Variants in ASCC3 observed in about 807,000 individuals in gnomAD.
ASCC3 encodes the protein activating signal cointegrator 1 complex subunit 3, also known as ASC-1 complex subunit P200.
In ASCC3, 158 loss-of-function variants were observed where a neutral mutation model predicts 256.3. That is an observed-to-expected ratio of 0.62 (90% CI 0.54 to 0.70). The LOEUF (loss-of-function observed/expected upper bound fraction) is 0.70. Among genes scored for constraint, ASCC3 ranks in the 30% least tolerant of loss-of-function variants. The pLI is 0.00. For missense variants in ASCC3, 2,259 were observed against 2,626.0 expected, an observed-to-expected ratio of 0.86 and a Z score of 3.05; for synonymous variants, 948 against 883.4, an observed-to-expected ratio of 1.07 and a Z score of -1.30.
In ASCC3 at chr6:100,606,857, G is replaced by C. The variant is rs1220749884; in HGVS notation, c.4927C>G (p.Leu1643Val). The change falls in exon 32 of 42, where the codon CTT becomes GTT. Residue 1643 changes from leucine to valine, a missense_variant. Transcript: ENST00000369162. ...ELFVNCKVQV[L>V]IATSTLAWGV... ...CAGGCTAATGTGCTTGTAGCAATAA[G>C]AACCTAAAAAGCAAAATAAAATATC... 6.2e-7 allele frequency: 1 copy of C among 1,611,050 alleles called. No homozygotes were observed.
chr6:100,580,157 G>T (rs1358930732), intron 36 of ASCC3, among the ~76,000 whole-genome samples: 5 of 152,024 alleles, frequency 3.3e-5, no homozygotes, highest in African/African-American at 1.2e-4. Flanking sequence ...AAATTCTACT[G>T]ATTTGCGTAC....
At chr6:100,581,382 T>A (rs1340535828) in intron 36 of ASCC3, among the ~76,000 whole-genome samples, 1 of 152,226 alleles carries the variant, frequency 6.6e-6, no homozygotes, top group East Asian at 1.9e-4. Flanking sequence ...AAATGTCTTC[T>A]TTTGAGAAGT....
chr6:100,542,091 A>T (rs1009847216), intron 36 of ASCC3, among the ~76,000 whole-genome samples: 1 of 152,194 alleles, frequency 6.6e-6, no homozygotes, highest in African/African-American at 2.4e-5. Flanking sequence ...GTGTGGAAGG[A>T]AGGGCAGAAA....
chr6:100,608,069 T>TAC lies in ASCC3; in HGVS notation c.4786-983_4786-982dup, dbSNP rs1447893892. 1.1e-3 allele frequency among the ~76,000 whole-genome samples: 99 copies of TAC among 92,194 alleles called. 1 individual carries two copies. The highest frequency in any genetic ancestry group is 1.7e-3 in the Non-Finnish European group (78 of 46,564). 60.5% of individuals were successfully genotyped at this position (92,194 alleles called of 152,430 possible). ...ACATATACATATATACACATATATA[T>TAC]ACATATATATGTATATATATCTATA... is the stretch of plus-strand genomic sequence containing the variant. On this transcript the variant is annotated intron_variant, in intron 30 of 41. Transcript: ENST00000369162.
At chr6:100,625,145 T>C in intron 30 of ASCC3, 47 bp downstream of exon 30, 3 of 1,603,298 alleles carry the variant, frequency 1.9e-6, no homozygotes, top group Middle Eastern at 3.3e-4. Flanking sequence ...TCTAATATAA[T>C]ACAACCTGAA....
At chr6:100,545,363 A>T (rs185123298) in intron 36 of ASCC3, among the ~76,000 whole-genome samples, 1 of 152,270 alleles carries the variant, frequency 6.6e-6, no homozygotes, top group Admixed American at 6.5e-5. Flanking sequence ...TTTTTAGTAG[A>T]GACGGGGTTT....
intron 4 of ASCC3, among the ~76,000 whole-genome samples, chr6:100,812,273 T>C (rs757122630): frequency 1.3e-5 from 2 of 151,936 alleles, no homozygotes; most frequent in Non-Finnish European, 2.9e-5. Context: ...TTATAAGGCA[T>C]GTAAAGAAAT....
At chr6:100,516,898 G>A (rs1774054524) in intron 38 of ASCC3, among the ~76,000 whole-genome samples, 1 of 151,770 alleles carries the variant, frequency 6.6e-6, no homozygotes, top group Admixed American at 6.6e-5. Flanking sequence ...AATCTCTTAG[G>A]CCCCAAGCAG....
At chr6:100,770,688 C>T (rs1781874128) in intron 8 of ASCC3, among the ~76,000 whole-genome samples, 1 of 151,790 alleles carries the variant, frequency 6.6e-6, no homozygotes, top group Admixed American at 6.6e-5. Context: ...TTTCTATATA[C>T]CGGCAATGAA....
intron 24 of ASCC3, among the ~76,000 whole-genome samples, chr6:100,641,907 G>A (rs1453272897): frequency 2.0e-5 from 3 of 151,260 alleles, no homozygotes; most frequent in East Asian, 3.9e-4. Context: ...GTAAACTATC[G>A]CAAGGACAAA....
intron 37 of ASCC3, among the ~76,000 whole-genome samples, chr6:100,528,804 A>C (rs779247896): frequency 6.6e-6 from 1 of 152,202 alleles, no homozygotes; most frequent in Non-Finnish European, 1.5e-5. Flanking sequence ...AATACTTTCA[A>C]AGCAGCTGTG....
rs540254361 is a variant in ASCC3 at position 100,761,729 on chromosome 6, C to G, written c.1737+4836G>C. Reference sequence around the variant, plus strand: ...ACTACAGCTTCATTGGTGAAAGGTGCCCAAAATCAGAGCTCAGAGCTGGGA... The same window carrying G: ...ACTACAGCTTCATTGGTGAAAGGTGGCCAAAATCAGAGCTCAGAGCTGGGA... On this transcript the variant is annotated intron_variant, in intron 10 of 41. Coordinates refer to ENST00000369162, the MANE Select transcript of ASCC3 (RefSeq NM_006828.4). Among the ~76,000 whole-genome samples, 3 of 152,104 alleles carry G rather than the reference C, an allele frequency of 2.0e-5. 1 individual carries two copies. The South Asian group carries it at 6.2e-4, about 32-fold the overall frequency.
intron 36 of ASCC3, among the ~76,000 whole-genome samples, chr6:100,583,510 C>T (rs940912913): frequency 3.9e-5 from 6 of 152,098 alleles, no homozygotes; most frequent in Admixed American, 2.0e-4. Flanking sequence ...AGTGGTCTGT[C>T]AATTTTGTTG....
intron 8 of ASCC3, among the ~76,000 whole-genome samples, chr6:100,772,214 T>C (rs961613718): frequency 3.9e-5 from 6 of 152,132 alleles, no homozygotes; most frequent in Non-Finnish European, 7.4e-5. Flanking sequence ...TAAACAAACA[T>C]ACACCTAAAC....
chr6:100,829,765 T>C (rs1264029126), intron 4 of ASCC3, among the ~76,000 whole-genome samples: 1 of 152,204 alleles, frequency 6.6e-6, no homozygotes, highest in South Asian at 2.1e-4. Flanking sequence ...TGTTTTTTCC[T>C]ATATATACAT....
At chr6:100,803,876 T>C (rs541641283) in intron 5 of ASCC3, among the ~76,000 whole-genome samples, 1 of 152,252 alleles carries the variant, frequency 6.6e-6, no homozygotes, top group South Asian at 2.1e-4. Context: ...TGTTGAATAG[T>C]TTGAAGACAG....
intron 8 of ASCC3, among the ~76,000 whole-genome samples, chr6:100,784,401 G>A (rs1467601993): frequency 6.6e-6 from 1 of 151,884 alleles, no homozygotes; most frequent in Admixed American, 6.6e-5. Context: ...GTATCCAAGC[G>A]AAATAACTGA....
chr6:100,867,774 T>A (rs1773548660), intron 2 of ASCC3, 134 bp downstream of exon 2: 1 of 749,526 alleles, frequency 1.3e-6, no homozygotes, highest in South Asian at 1.6e-5. Flanking sequence ...ATACACATTC[T>A]CCATCTTTGC....
At chr6:100,513,090 A>G (rs1443601566) in intron 39 of ASCC3, among the ~76,000 whole-genome samples, 172 bp from the exon 40 acceptor site, 1 of 152,214 alleles carries the variant, frequency 6.6e-6, no homozygotes, top group Non-Finnish European at 1.5e-5. Context: ...CCATTTACCC[A>G]GTTTCCTCCA....
Sources: allele counts gnomAD v4.1 joint callset (sites outside exome capture counted in the v4.1 genomes callset), GRCh38; gene constraint gnomAD v4.1.1; transcripts MANE v1.5; gene names NCBI Gene and HGNC (gene_info 2026-07-23, HGNC 2026-07-21).